Variants in PELI2 observed in about 807,000 individuals in gnomAD.
PELI2 encodes E3 ubiquitin-protein ligase pellino homolog 2.
Under a neutral mutation model 42.3 loss-of-function variants are expected in PELI2, and 23 were observed. The observed-to-expected ratio is 0.54, with a 90% CI of 0.39 to 0.77. PELI2 has a LOEUF of 0.77. PELI2 is among the 30% of genes least tolerant of loss of function. PELI2 has a pLI of 0.00. For synonymous variants in PELI2, 245 were observed against 212.2 expected, an observed-to-expected ratio of 1.15 and a Z score of -1.34; for missense variants, 463 against 553.2, an observed-to-expected ratio of 0.84 and a Z score of 1.64.
intron 2 of PELI2, among the ~76,000 whole-genome samples, chr14:56,215,794 C>T (rs1474193654): frequency 6.6e-6 from 1 of 152,216 alleles, no homozygotes; most frequent in Admixed American, 6.5e-5. Context: ...TTGTCACTGT[C>T]ACCAGCGGTG....
chr14:56,178,431 C>T lies in PELI2; in HGVS notation c.174C>T (p.Thr58=), dbSNP rs761615441. The T allele has an allele frequency of 9.0e-5, 146 of 1,614,048 alleles. No homozygotes were observed. The highest frequency in any genetic ancestry group is 1.6e-4 in the Middle Eastern group (1 of 6,084). ...RPKANGVKPS[T]VHVISTPQAS... ...AGGCAAATGGTGTCAAACCCAGCAC[C>T]GTCCATGTGATATCCACGCCCCAGG... Residue 58 remains threonine (T), a synonymous_variant, in exon 2 of 6, where the codon ACC becomes ACT. Coordinates refer to ENST00000267460, the MANE Select transcript of PELI2 (RefSeq NM_021255.3).
chr14:56,271,346 C>G (rs1203827992), intron 2 of PELI2, among the ~76,000 whole-genome samples: 1 of 152,196 alleles, frequency 6.6e-6, no homozygotes, highest in Non-Finnish European at 1.5e-5. Flanking sequence ...TACCCCCAAA[C>G]AGTTTTATTA....
At chr14:56,139,426 T>C (rs1375229717) in intron 1 of PELI2, among the ~76,000 whole-genome samples, 1 of 152,232 alleles carries the variant, frequency 6.6e-6, no homozygotes, top group African/African-American at 2.4e-5. Context: ...CTAAGGAAAG[T>C]ACCCTGAAGT....
At chr14:56,192,492 G>A (rs1054272698) in intron 2 of PELI2, among the ~76,000 whole-genome samples, 15 of 152,024 alleles carry the variant, frequency 9.9e-5, no homozygotes, top group Non-Finnish European at 1.9e-4. Flanking sequence ...TTACCCACTC[G>A]ACACCAGTAC....
intron 2 of PELI2, among the ~76,000 whole-genome samples, chr14:56,249,839 A>G (rs1364429503): frequency 1.3e-5 from 2 of 152,190 alleles, no homozygotes; most frequent in Non-Finnish European, 2.9e-5. Context: ...CAGTCACTGA[A>G]TAAAGGATCA....
At chr14:56,224,533 G>A (rs1446612506) in intron 2 of PELI2, among the ~76,000 whole-genome samples, 1 of 152,146 alleles carries the variant, frequency 6.6e-6, no homozygotes, top group Non-Finnish European at 1.5e-5. Context: ...AAGTTCAGTA[G>A]GGATAGAATT....
chr14:56,229,306 C>T (rs902722290), intron 2 of PELI2, among the ~76,000 whole-genome samples: 2 of 152,254 alleles, frequency 1.3e-5, no homozygotes, highest in Non-Finnish European at 2.9e-5. Context: ...AGTTGGGTCC[C>T]TGACCCCTGA....
At chr14:56,204,856 C>A (rs920913876) in intron 2 of PELI2, among the ~76,000 whole-genome samples, 1 of 151,698 alleles carries the variant, frequency 6.6e-6, no homozygotes, top group Non-Finnish European at 1.5e-5. Context: ...ATGGTGAAAC[C>A]CTGTCTCTAC....
intron 1 of PELI2, among the ~76,000 whole-genome samples, chr14:56,124,627 T>A (rs1883184215): frequency 6.6e-6 from 1 of 152,178 alleles, no homozygotes; most frequent in South Asian, 2.1e-4. Context: ...CACTAAGGGA[T>A]ACGCAGATGA....
chr14:56,275,033 T>G (rs1424206667), intron 2 of PELI2, among the ~76,000 whole-genome samples: 1 of 151,842 alleles, frequency 6.6e-6, no homozygotes, highest in African/African-American at 2.4e-5. Flanking sequence ...AAAGAAACTC[T>G]AAATCTCATC....
chr14:56,156,619 A>G (rs372711029), intron 1 of PELI2, among the ~76,000 whole-genome samples: 113 of 152,330 alleles, frequency 7.4e-4, no homozygotes, highest in African/African-American at 1.1e-3. Context: ...ACTTTCTGCA[A>G]TGTTGGAAGT....
intron 1 of PELI2, among the ~76,000 whole-genome samples, chr14:56,146,196 G>A (rs746738696): frequency 6.6e-5 from 10 of 152,190 alleles, no homozygotes; most frequent in Non-Finnish European, 1.5e-4. Flanking sequence ...GTGGAGTGCA[G>A]TATGATTTCA....
At chr14:56,280,559 A>G (rs994288780) in intron 3 of PELI2, among the ~76,000 whole-genome samples, 6 of 152,134 alleles carry the variant, frequency 3.9e-5, no homozygotes, top group Non-Finnish European at 8.8e-5. Flanking sequence ...GAGTTAAATT[A>G]TTACATAAAT....
chr14:56,212,920 G>A (rs1288677350), intron 2 of PELI2, among the ~76,000 whole-genome samples: 2 of 148,936 alleles, frequency 1.3e-5, no homozygotes, highest in East Asian at 3.9e-4. Context: ...CTCCAGAGTT[G>A]CAGGGATGAA....
chr14:56,169,570 G>A (rs1885095117), intron 1 of PELI2, among the ~76,000 whole-genome samples: 1 of 152,188 alleles, frequency 6.6e-6, no homozygotes, highest in Non-Finnish European at 1.5e-5. Context: ...GGGTGTGGAA[G>A]GGATGGTGTC....
rs189434714 is a variant in PELI2 at position 56,149,608 on chromosome 14, T to C, written c.78-28727T>C. Among the ~76,000 whole-genome samples the C allele has an allele frequency of 6.4e-3, 972 of 152,208 alleles. 8 individuals carry two copies. Among genetic ancestry groups the C allele is most frequent in the Non-Finnish European group, 6.6e-3 (452 of 68,008 alleles). On this transcript the variant is annotated intron_variant, in intron 1 of 5. Transcript: ENST00000267460. ...GAGCCCACCTTTTACTTTTTTTTTT[T>C]CTTTTTTAAAACTACATCACAGTGT...
Position 56,252,894 on chromosome 14 carries a change from G to A in PELI2, c.208-26782G>A, listed in dbSNP as rs549244713. Among the ~76,000 whole-genome samples the A allele has an allele frequency of 1.2e-4, 18 of 152,238 alleles. 1 individual carries two copies. The South Asian group carries it at 2.1e-3, about 18-fold the overall frequency. On this transcript the variant is annotated intron_variant, in intron 2 of 5. Coordinates refer to ENST00000267460, the MANE Select transcript of PELI2 (RefSeq NM_021255.3). ...TATCCTGATACCAAAACCTGGCAGA[G>A]ACACAACAAAAAAGGAAAATTTCAG...
At chr14:56,218,531 C>T (rs1886994321) in intron 2 of PELI2, among the ~76,000 whole-genome samples, 1 of 152,156 alleles carries the variant, frequency 6.6e-6, no homozygotes, top group Non-Finnish European at 1.5e-5. Flanking sequence ...AAGTTAATGT[C>T]TTGTGCGAGA....
intron 2 of PELI2, among the ~76,000 whole-genome samples, chr14:56,248,497 C>G (rs1888236460): frequency 6.6e-6 from 1 of 151,952 alleles, no homozygotes. Context: ...TACCGTTCTG[C>G]TGAGGGTGAC....
Sources: gnomAD v4.1 joint callset for allele counts (sites outside exome capture counted in the v4.1 genomes callset) on GRCh38, gnomAD v4.1.1 for gene constraint, MANE v1.5 for transcripts, NCBI Gene and HGNC (gene_info 2026-07-23, HGNC 2026-07-21) for gene names.